The following ZDHHC14 variants were observed in gnomAD, a reference collection of about 807,000 sequenced individuals.
ZDHHC14 encodes the protein palmitoyltransferase ZDHHC14.
A neutral mutation model predicts 47.7 loss-of-function variants in ZDHHC14; 16 were observed. The observed-to-expected ratio is 0.34, with a 90% CI of 0.23 to 0.51. The LOEUF is 0.51. Ranked by LOEUF, ZDHHC14 falls within the 20% of genes least tolerant of loss-of-function variation. ZDHHC14 has a pLI of 0.97. For missense variants in ZDHHC14, 515 were observed against 662.5 expected (o/e 0.78, Z 2.44); for synonymous variants, 293 against 278.9 (o/e 1.05, Z -0.50).
intron 1 of ZDHHC14, among the ~76,000 whole-genome samples, chr6:157,438,570 A>G (rs1162053694): frequency 6.6e-6 from 1 of 152,238 alleles, no homozygotes. Flanking sequence ...GAATTTGCAA[A>G]TGTGAGGATC....
At chr6:157,527,510 A>G (rs1397343843) in intron 1 of ZDHHC14, among the ~76,000 whole-genome samples, 2 of 152,168 alleles carry the variant, frequency 1.3e-5, no homozygotes, top group Non-Finnish European at 2.9e-5. Flanking sequence ...GTCTCCACCC[A>G]GGGGAGAGTA....
intron 4 of ZDHHC14, chr6:157,630,129 GCCACAGCACCC>G (rs1420880086): frequency 6.6e-6 from 1 of 152,218 alleles, no homozygotes; most frequent in Non-Finnish European, 1.5e-5. Context: ...ACAGGCGTGG[GCCACAGCACCC>G]GGCTGATTTT....
At chr6:157,506,976 T>G (rs987093897) in intron 1 of ZDHHC14, among the ~76,000 whole-genome samples, 2 of 152,168 alleles carry the variant, frequency 1.3e-5, no homozygotes, top group African/African-American at 4.8e-5. Flanking sequence ...CTAAAAGACT[T>G]ATAACCAAAA....
chr6:157,640,567 C>T (rs663109), intron 5 of ZDHHC14, among the ~76,000 whole-genome samples: 59,746 of 152,048 alleles, frequency 0.39, 13,214 homozygotes, highest in Admixed American at 0.5. Context: ...CCTTAGGCTG[C>T]TTCCAGCTGC....
intron 3 of ZDHHC14, among the ~76,000 whole-genome samples, chr6:157,619,789 A>G (rs1258509119): frequency 6.6e-6 from 1 of 152,184 alleles, no homozygotes; most frequent in Non-Finnish European, 1.5e-5. Flanking sequence ...ACTCAAAACC[A>G]GAAGAATTCA....
chr6:157,612,041 C>T (rs1784769538), intron 3 of ZDHHC14, among the ~76,000 whole-genome samples: 1 of 112,826 alleles, frequency 8.9e-6, no homozygotes, highest in Non-Finnish European at 2.0e-5. Flanking sequence ...CCCCAGTGAC[C>T]CCCCACCTTG....
At chr6:157,568,755 G>A (rs1342921068) in intron 2 of ZDHHC14, among the ~76,000 whole-genome samples, 1 of 152,108 alleles carries the variant, frequency 6.6e-6, no homozygotes, top group Non-Finnish European at 1.5e-5. Flanking sequence ...AAAAGTATAT[G>A]AGCATGCTTA....
At chr6:157,514,666 T>C (rs1024836437) in intron 1 of ZDHHC14, among the ~76,000 whole-genome samples, 1 of 152,216 alleles carries the variant, frequency 6.6e-6, no homozygotes, top group African/African-American at 2.4e-5. Context: ...GACCCCTTAT[T>C]CCGGTTGTTG....
chr6:157,646,803 G>A (rs959271827), intron 6 of ZDHHC14, among the ~76,000 whole-genome samples: 1 of 152,130 alleles, frequency 6.6e-6, no homozygotes, highest in Non-Finnish European at 1.5e-5. Flanking sequence ...CATGAGATAA[G>A]AGAATATTAA....
chr6:157,488,091 G>A (rs911981846), intron 1 of ZDHHC14, among the ~76,000 whole-genome samples: 3 of 152,240 alleles, frequency 2.0e-5, no homozygotes, highest in South Asian at 2.1e-4. Context: ...AAGGCATCCC[G>A]TACCCACCAC....
intron 5 of ZDHHC14, among the ~76,000 whole-genome samples, chr6:157,636,455 C>G (rs899112291): frequency 1.1e-4 from 16 of 152,042 alleles, no homozygotes; most frequent in African/African-American, 3.9e-4. Context: ...CGGGATACCC[C>G]GAAGGCCCTT....
intron 1 of ZDHHC14, among the ~76,000 whole-genome samples, chr6:157,404,253 C>T (rs1777700227): frequency 6.6e-6 from 1 of 152,172 alleles, no homozygotes; most frequent in Non-Finnish European, 1.5e-5. Flanking sequence ...TCTCCTGCCT[C>T]AGCCTCCTGA....
intron 1 of ZDHHC14, among the ~76,000 whole-genome samples, chr6:157,539,680 G>C (rs1236723331): frequency 1.3e-5 from 2 of 152,184 alleles, no homozygotes; most frequent in East Asian, 3.9e-4. Flanking sequence ...CCTAGACCCA[G>C]AGCACATAGT....
Position 157,677,833 on chromosome 6 carries a change from T to C in ZDHHC14, c.*4711T>C, listed in dbSNP as rs1306940343. ...TTTCTGGGTTCTATATGAATAGAGA[T>C]GGTTTTAGCCTGCAATTAAAAAAAA... On this transcript the variant is annotated 3_prime_UTR_variant, in exon 9 of 9. Transcript: ENST00000359775. 1 of 145,502 alleles carries C rather than the reference T, an allele frequency of 6.9e-6. No individual in the cohort carries two copies. Among genetic ancestry groups the C allele is most frequent in the Non-Finnish European group, 1.5e-5 (1 of 67,058 alleles). 9.0% of individuals were successfully genotyped at this position (145,502 alleles called of 1,614,324 possible).
chr6:157,611,859 C>A (rs577785407), intron 3 of ZDHHC14, among the ~76,000 whole-genome samples: 1 of 152,314 alleles, frequency 6.6e-6, no homozygotes, highest in Non-Finnish European at 1.5e-5. Context: ...CTTTGTGGCT[C>A]TGACGAGTGT....
intron 1 of ZDHHC14, among the ~76,000 whole-genome samples, chr6:157,490,554 C>T: frequency 6.6e-6 from 1 of 152,144 alleles, no homozygotes; most frequent in Non-Finnish European, 1.5e-5. Context: ...TATAATTAAG[C>T]ATAATGTAAC....
At chr6:157,632,791 G>A (rs774589518) in intron 4 of ZDHHC14, 43 bp from the exon 5 acceptor site, 2 of 1,583,250 alleles carry the variant, frequency 1.3e-6, no homozygotes, top group Admixed American at 3.3e-5. Context: ...CAGCATGAAG[G>A]CTGTTTCTAT....
Position 157,537,075 on chromosome 6 carries a change from C to T in ZDHHC14, c.246-5510C>T, listed in dbSNP as rs1781570415. ...CCTCGTGATCCGCCCGCCTCGGCCT[C>T]CCAAAGTGCTGGGATTACAGGCGTG... On this transcript the variant is annotated intron_variant, in intron 1 of 8. Transcript: ENST00000359775. Among the ~76,000 whole-genome samples the T allele has an allele frequency of 7.2e-5, 4 of 55,790 alleles. 1 individual carries two copies. In the South Asian group the frequency reaches 2.0e-3, roughly 27 times the overall value. 36.6% of individuals were successfully genotyped at this position (55,790 alleles called of 152,430 possible). A position where few individuals can be genotyped will look rare whatever the true frequency, so the allele number is the denominator to read the frequency against.
Position 157,675,743 on chromosome 6 carries a change from A to G in ZDHHC14, c.*2621A>G, listed in dbSNP as rs1778960959. On this transcript the variant is annotated 3_prime_UTR_variant, in exon 9 of 9. Coordinates refer to ENST00000359775, the MANE Select transcript of ZDHHC14 (RefSeq NM_024630.3). ...CATTTCCCACGAACATATATGTGAC[A>G]TGTACATAAATATAAATACTTATGT... is the stretch of plus-strand genomic sequence containing the variant. The G allele has an allele frequency of 6.6e-6, 1 of 152,250 alleles. No individual in the cohort carries two copies. The highest frequency in any genetic ancestry group is 1.5e-5 in the Non-Finnish European group (1 of 68,034). The allele number at this position is 152,250 out of a possible 1,614,324, so 9.4% of individuals were successfully genotyped here.
Sources: allele counts gnomAD v4.1 joint callset (sites outside exome capture counted in the v4.1 genomes callset), GRCh38; gene constraint gnomAD v4.1.1; transcripts MANE v1.5; gene names NCBI Gene and HGNC (gene_info 2026-07-23, HGNC 2026-07-21).